GCNA: variants seen among roughly 807,000 people sequenced by gnomAD.
GCNA encodes the protein germ cell nuclear acidic peptidase.
In GCNA, 3 loss-of-function variants were observed where a neutral mutation model predicts 38.8. The observed-to-expected ratio is 0.08, with a 90% CI of 0.04 to 0.20. GCNA has a LOEUF of 0.20. Ranked by LOEUF, GCNA falls within the 10% of genes least tolerant of loss-of-function variation. The pLI is 1.00. For missense variants in GCNA, 446 were observed against 578.6 expected (o/e 0.77, Z 2.35); for synonymous variants, 195 against 240.2 (o/e 0.81, Z 1.74).
In GCNA at chrX:71,613,324, A is replaced by AC. The variant is rs2040827518; in HGVS notation, c.*344dup. The AC allele has an allele frequency of 6.6e-6, 1 of 151,042 alleles. No homozygotes were observed. Among genetic ancestry groups the AC allele is most frequent in the Admixed American group, 7.5e-5 (1 of 13,270 alleles). 12.4% of individuals were successfully genotyped at this position (151,042 alleles called of 1,213,427 possible). ...GGTATTTCTGAAGCCCTTGGGATCTACCTTGGGTCTTACTTGAGTTCCATA... is the reference window on the plus strand; with the variant it reads ...GGTATTTCTGAAGCCCTTGGGATCTACCCTTGGGTCTTACTTGAGTTCCATA... On this transcript the variant is annotated 3_prime_UTR_variant, in exon 13 of 13. Transcript: ENST00000373696.
In GCNA at chrX:71,578,751, C is replaced by T. The variant is rs1262754653; in HGVS notation, c.-3+229C>T. Among the ~76,000 whole-genome samples, 123 of 105,224 alleles carry T rather than the reference C, an allele frequency of 1.2e-3. 1 individual carries two copies. The highest frequency in any genetic ancestry group is 2.2e-3 in the Non-Finnish European group (110 of 51,086). The allele number at this position is 105,224 out of a possible 115,157, so 91.4% of individuals were successfully genotyped here. A position where few individuals can be genotyped will look rare whatever the true frequency, so the allele number is the denominator to read the frequency against. On this transcript the variant is annotated intron_variant, in intron 1 of 12. Transcript: ENST00000373696. ...TGGTGGTGTAGGAAACATATGGTGG[C>T]GCCAGTGGCGGCATTGGGAGGGGTG... is the stretch of plus-strand genomic sequence containing the variant.
chrX:71,580,773 C>G, intron 1 of GCNA, 47 bp from the exon 2 acceptor site: 1 of 1,149,422 alleles, frequency 8.7e-7, no homozygotes, highest in Non-Finnish European at 1.2e-6. Context: ...TGCGCCCGGC[C>G]GAGTTCTGGC....
At chrX:71,601,773 T>C (rs2040717360) in intron 7 of GCNA, among the ~76,000 whole-genome samples, 1 of 111,472 alleles carries the variant, frequency 9.0e-6, no homozygotes, top group Non-Finnish European at 1.9e-5. Context: ...CTCAAACTCC[T>C]GGCCTCAAGT....
intron 7 of GCNA, among the ~76,000 whole-genome samples, chrX:71,600,952 C>T (rs1451572778): frequency 8.9e-6 from 1 of 111,868 alleles, no homozygotes; most frequent in Non-Finnish European, 1.9e-5. Context: ...TTAACCATCC[C>T]TACCTTTCCA....
At chrX:71,588,885 T>G (rs2040603397) in intron 2 of GCNA, among the ~76,000 whole-genome samples, 1 of 110,619 alleles carries the variant, frequency 9.0e-6, no homozygotes, top group South Asian at 3.9e-4. Context: ...TTATAACTTT[T>G]TTTTAAGTTT....
chrX:71,589,424 C>T (rs1189229736), intron 2 of GCNA, among the ~76,000 whole-genome samples: 2 of 96,548 alleles, frequency 2.1e-5, no homozygotes, highest in Non-Finnish European at 4.1e-5. Flanking sequence ...GCTGGGACTA[C>T]AGCGTACCTG....
At chrX:71,584,593 G>T (rs918324722) in intron 2 of GCNA, among the ~76,000 whole-genome samples, 1 of 111,847 alleles carries the variant, frequency 8.9e-6, no homozygotes, top group Non-Finnish European at 1.9e-5. Context: ...AGTCAGGAGC[G>T]GTGGCTCACG....
At chrX:71,600,666 T>G in intron 7 of GCNA, among the ~76,000 whole-genome samples, 1 of 111,882 alleles carries the variant, frequency 8.9e-6, no homozygotes, top group Middle Eastern at 4.6e-3. Context: ...TAAAGTAACT[T>G]TCTTTTTTAA....
At position 71,603,618 on chromosome X, in the gene GCNA, C is replaced by G; in HGVS notation, c.341C>G (p.Pro114Arg). The change falls in exon 8 of 13, where the codon CCT becomes CGT. Residue 114 changes from proline to arginine, a missense_variant. Pro to Arg is a moderately radical substitution (Grantham distance 103). Around this residue, in one of 7 missense-constraint regions of GCNA, gnomAD observed 118 missense variants for 122.8 expected, o/e 0.96. Coordinates refer to ENST00000373696, the MANE Select transcript of GCNA (RefSeq NM_052957.5). ...AGTCCGGAGTGTTGTCATGTGAAGCCTGCCATCCAGGAACCTCCAATAGTT... is the reference window on the plus strand; with the variant it reads ...AGTCCGGAGTGTTGTCATGTGAAGCGTGCCATCCAGGAACCTCCAATAGTT... ...DESPECCHVK[P>R]AIQEPPIVIS... 1 of 1,211,154 alleles carries G rather than the reference C, an allele frequency of 8.3e-7. No homozygotes were observed. Among genetic ancestry groups the G allele is most frequent in the Non-Finnish European group, 1.1e-6 (1 of 895,016 alleles).
In GCNA at chrX:71,604,604, A is replaced by G. The variant is rs2040753490; in HGVS notation, c.1327A>G (p.Thr443Ala). The G allele has an allele frequency of 3.3e-6, 4 of 1,202,101 alleles. No individual in the cohort carries two copies. The highest frequency in any genetic ancestry group is 4.5e-6 in the Non-Finnish European group (4 of 890,416). The stretch of plus-strand genomic sequence containing the variant: ...AGTGGAGCCACCAAGGAAAAGGCAG[A>G]CAAAGACCAAAAATATAGTGGAGCC... The part of the protein sequence containing the change: ...NIVEPPRKRQ[T>A]KTKNIVEPLR... Residue 443 changes from threonine (T) to alanine (A), a missense_variant, in exon 8 of 13, where the codon ACA becomes GCA. By Grantham distance (58) the Thr-to-Ala change is moderately conservative. This residue lies in a region of GCNA where 160 missense variants were observed against 165.2 expected (regional missense o/e 0.97). Transcript: ENST00000373696.
At position 71,582,505 on chromosome X, in the gene GCNA, TCTC is replaced by T. The variant is rs769248416; in HGVS notation, c.59+1628_59+1630del. 6.2e-3 allele frequency among the ~76,000 whole-genome samples: 685 copies of T among 110,561 alleles called. 5 individuals are homozygous for T. The highest frequency in any genetic ancestry group is 0.022 in the African/African-American group (663 of 30,437). On this transcript the variant is annotated intron_variant, in intron 2 of 12. Coordinates refer to ENST00000373696, the MANE Select transcript of GCNA (RefSeq NM_052957.5). ...TGCCAATTGATAGGAAAACAGAAAA[TCTC>T]CTACATTCTTTGTGGGAGTATATAT...
intron 8 of GCNA, among the ~76,000 whole-genome samples, chrX:71,604,949 T>C (rs2040757088): frequency 8.9e-6 from 1 of 112,286 alleles, no homozygotes; most frequent in Admixed American, 9.4e-5. Flanking sequence ...GGATATCTTA[T>C]TTTTCTTAGG....
At chrX:71,611,747 T>C (rs2040812231) in intron 11 of GCNA, among the ~76,000 whole-genome samples, 1 of 111,310 alleles carries the variant, frequency 9.0e-6, no homozygotes, top group African/African-American at 3.3e-5. Flanking sequence ...CTAGATCTTG[T>C]CCTGATGTTT....
At position 71,603,639 on chromosome X, in the gene GCNA, T is replaced by C. The variant is rs1216880501; in HGVS notation, c.362T>C (p.Ile121Thr). ...HVKPAIQEPPIVISDDDNDDD... is the reference protein window; with the variant it reads ...HVKPAIQEPPTVISDDDNDDD... ...AAGCCTGCCATCCAGGAACCTCCAA[T>C]AGTTATTAGTGATGATGACAATGAC... The change falls in exon 8 of 13, where the codon ATA becomes ACA. Residue 121 changes from isoleucine (I) to threonine (T), a missense_variant. Ile to Thr is a moderately conservative substitution (Grantham distance 89). Transcript: ENST00000373696. 1 of 1,211,841 alleles carries C rather than the reference T, an allele frequency of 8.3e-7. No individual in the cohort carries two copies. Among genetic ancestry groups the C allele is most frequent in the African/African-American group, 1.7e-5 (1 of 57,682 alleles).
At chrX:71,588,836 T>A (rs1438824258) in intron 2 of GCNA, among the ~76,000 whole-genome samples, 1 of 108,298 alleles carries the variant, frequency 9.2e-6, no homozygotes, top group Non-Finnish European at 1.9e-5. Context: ...CATAAATAAA[T>A]AAAATAAAAT....
At chrX:71,589,900 CCT>C (rs769382496) in intron 2 of GCNA, among the ~76,000 whole-genome samples, 28 of 110,275 alleles carry the variant, frequency 2.5e-4, no homozygotes, top group Non-Finnish European at 4.7e-4. Flanking sequence ...GCAGCCCCGA[CCT>C]CTCGGGCTGA....
At chrX:71,601,121 G>A (rs767250371) in intron 7 of GCNA, among the ~76,000 whole-genome samples, 10 of 111,580 alleles carry the variant, frequency 9.0e-5, no homozygotes, top group Non-Finnish European at 1.7e-4. Flanking sequence ...CGAGGCAGGC[G>A]GATCACGAGG....
intron 1 of GCNA, 188 bp from the exon 2 acceptor site, chrX:71,580,632 G>A (rs1478853005): frequency 1.2e-5 from 4 of 341,671 alleles, no homozygotes; most frequent in Middle Eastern, 1.8e-3. Context: ...CCGCCACCAC[G>A]CCTGGCTAAT....
At chrX:71,584,896 T>C (rs2040573916) in intron 2 of GCNA, among the ~76,000 whole-genome samples, 1 of 111,321 alleles carries the variant, frequency 9.0e-6, no homozygotes, top group South Asian at 3.8e-4. Context: ...AAATGATTAG[T>C]GTTAATTCTT....
Sources: allele counts gnomAD v4.1 joint callset (sites outside exome capture counted in the v4.1 genomes callset), GRCh38; gene constraint gnomAD v4.1.1; regional missense constraint gnomAD v4.1.1; transcripts MANE v1.5; gene names NCBI Gene and HGNC (gene_info 2026-07-23, HGNC 2026-07-21).